MGST1: variants seen among roughly 807,000 people sequenced by gnomAD.
MGST1 encodes glutathione S-transferase 12.
A neutral mutation model predicts 8.9 loss-of-function variants in MGST1; 5 were observed. The observed-to-expected ratio is 0.56, with a 90% CI of 0.29 to 1.19. MGST1 has a LOEUF of 1.19. Among genes scored for constraint, MGST1 ranks in the 50% most tolerant of loss-of-function variants. MGST1 has a pLI of 0.08. For synonymous variants in MGST1, 54 were observed against 67.8 expected, an observed-to-expected ratio of 0.80 and a Z score of 1.00; for missense variants, 182 against 187.4, an observed-to-expected ratio of 0.97 and a Z score of 0.17.
chr12:16,409,270 A>ATGTGTGTGTTTG (rs1182467545), intron 1 of MGST1, among the ~76,000 whole-genome samples: 7 of 151,836 alleles, frequency 4.6e-5, no homozygotes, highest in Admixed American at 3.9e-4. Flanking sequence ...TAATGTGTGT[A>ATGTGTGTGTTTG]TGTGTGTGTT....
chr12:16,379,897 T>C (rs1406331542), downstream of MGST1, among the ~76,000 whole-genome samples: 3 of 152,342 alleles, frequency 2.0e-5, no homozygotes, highest in Non-Finnish European at 4.4e-5. Flanking sequence ...TGTCAAGGAA[T>C]TTATCCATTT....
intron 1 of MGST1, among the ~76,000 whole-genome samples, chr12:16,427,487 A>T (rs1940900499): frequency 6.6e-6 from 1 of 152,178 alleles, no homozygotes; most frequent in Admixed American, 6.5e-5. Flanking sequence ...GGTTTAAGCG[A>T]TTCACATGCC....
intron 4 of MGST1, among the ~76,000 whole-genome samples, chr12:16,539,646 C>T (rs1050342424): frequency 6.6e-6 from 1 of 152,180 alleles, no homozygotes; most frequent in African/African-American, 2.4e-5. Flanking sequence ...GACTCTACCC[C>T]TGCTTTCATA....
At chr12:16,550,105 G>A (rs1018836658) in intron 4 of MGST1, 3 of 151,888 alleles carry the variant, frequency 2.0e-5, no homozygotes, top group African/African-American at 7.3e-5. Flanking sequence ...AAGATTCTAT[G>A]AGCATTATGT....
At chr12:16,529,212 T>A (rs1394528986) in intron 4 of MGST1, among the ~76,000 whole-genome samples, 2 of 152,060 alleles carry the variant, frequency 1.3e-5, no homozygotes, top group African/African-American at 4.8e-5. Flanking sequence ...GGAAATGACT[T>A]TCTTCTTTCC....
chr12:16,351,788 C>T lies in MGST1; in HGVS notation c.-22-2443C>T, dbSNP rs552319533. Among the ~76,000 whole-genome samples, 267 of 151,964 alleles carry T rather than the reference C, an allele frequency of 1.8e-3. 2 individuals carry two copies. The highest frequency in any genetic ancestry group is 6.2e-3 in the African/African-American group (259 of 41,456). ...TTGCACCACTGCACTGCAGCCTGGG[C>T]GACAGAGTGAGACTCCATCTCAAAA... On this transcript the variant is annotated intron_variant, in intron 1 of 3. Coordinates refer to ENST00000396210, the MANE Select transcript of MGST1 (RefSeq NM_020300.5).
Position 16,401,651 on chromosome 12 carries a change from G to T in MGST1, n.778+18047G>T. The T allele has an allele frequency of 6.2e-7, 1 of 1,600,034 alleles. No homozygotes were observed. The highest frequency in any genetic ancestry group is 1.1e-5 in the South Asian group (1 of 90,774). ...TGTGATTCTTGTCACTCACCACACT[G>T]AACTTGAGATTATAGTTGCCACCAC... On this transcript the variant is annotated intron_variant and non_coding_transcript_variant, in intron 1 of 1. Coordinates refer to the MGST1 transcript ENST00000359720. This position sits in a 1 kb window ranked among gnomAD's most constrained non-coding sequence, Gnocchi z 4.3.
intron 4 of MGST1, among the ~76,000 whole-genome samples, chr12:16,562,205 A>T (rs1942431590): frequency 6.6e-6 from 1 of 152,162 alleles, no homozygotes; most frequent in South Asian, 2.1e-4. Flanking sequence ...GTTCATTCTA[A>T]CATTTCATAT....
chr12:16,357,416 C>T, intron 2 of MGST1, 189 bp from the exon 3 acceptor site: 1 of 524,712 alleles, frequency 1.9e-6, no homozygotes, highest in South Asian at 2.4e-5. Flanking sequence ...TGCATGTGGC[C>T]CACTACCATG....
At chr12:16,525,785 C>T (rs2137194874) in intron 4 of MGST1, among the ~76,000 whole-genome samples, 1 of 151,186 alleles carries the variant, frequency 6.6e-6, no homozygotes, top group South Asian at 2.1e-4. Flanking sequence ...TCCTATTTCT[C>T]CACATCCTCT....
At chr12:16,376,159 A>C (rs776669758) in exon 4 of MGST1, 2 of 1,236,866 alleles carry the variant, frequency 1.6e-6, no homozygotes, top group Admixed American at 4.3e-5. Flanking sequence ...TGCCTCTTCT[A>C]TATAAAGTTT....
intron 1 of MGST1, among the ~76,000 whole-genome samples, chr12:16,415,018 T>G (rs1940775627): frequency 6.6e-6 from 1 of 152,006 alleles, no homozygotes; most frequent in Admixed American, 6.5e-5. Flanking sequence ...GAGCAAAACT[T>G]CGCCTCAAAA....
intron 4 of MGST1, among the ~76,000 whole-genome samples, chr12:16,533,752 TACTC>T (rs1941737715): frequency 6.6e-6 from 1 of 151,784 alleles, no homozygotes; most frequent in African/African-American, 2.4e-5. Context: ...TGTGATCAAT[TACTC>T]ACAGTAACGT....
At chr12:16,488,510 T>G (rs1168338401) in intron 4 of MGST1, among the ~76,000 whole-genome samples, 1 of 152,194 alleles carries the variant, frequency 6.6e-6, no homozygotes, top group Non-Finnish European at 1.5e-5. Context: ...AAGGTAGTTT[T>G]CAAATGTCAG....
At chr12:16,387,745 C>T (rs1267540385) in intron 1 of MGST1, among the ~76,000 whole-genome samples, 2 of 152,094 alleles carry the variant, frequency 1.3e-5, no homozygotes, top group Non-Finnish European at 2.9e-5. Flanking sequence ...CCAGGATGGT[C>T]TCGATCTCCT....
intron 1 of MGST1, among the ~76,000 whole-genome samples, chr12:16,408,453 T>G (rs1940714725): frequency 2.0e-5 from 3 of 152,182 alleles, no homozygotes; most frequent in Admixed American, 6.5e-5. Context: ...GTGATAGTGG[T>G]TTTCTCTCAG....
At chr12:16,530,814 A>T (rs1317643463) in intron 4 of MGST1, among the ~76,000 whole-genome samples, 1 of 152,040 alleles carries the variant, frequency 6.6e-6, no homozygotes, top group Non-Finnish European at 1.5e-5. Context: ...TATTTGAATG[A>T]AGGAACTTTT....
At position 16,358,539 on chromosome 12, in the gene MGST1, T is replaced by C. The variant is rs187848188; in HGVS notation, c.221+840T>C. Among the ~76,000 whole-genome samples the C allele has an allele frequency of 1.5e-3, 224 of 151,828 alleles. 1 individual carries two copies. Among genetic ancestry groups the C allele is most frequent in the African/African-American group, 5.2e-3 (215 of 41,378 alleles). Reference sequence around the variant, plus strand: ...TGGAGTGCAATGGTGTGATCTCGGCTCACTGCAACCTTCTTCTCCTGGGTT... The same window carrying C: ...TGGAGTGCAATGGTGTGATCTCGGCCCACTGCAACCTTCTTCTCCTGGGTT... On this transcript the variant is annotated intron_variant, in intron 3 of 3. Transcript: ENST00000396210.
At chr12:16,485,111 C>G (rs370806549) in intron 4 of MGST1, among the ~76,000 whole-genome samples, 1 of 152,340 alleles carries the variant, frequency 6.6e-6, no homozygotes, top group East Asian at 1.9e-4. Context: ...ACTCTGTTGA[C>G]CACCTTCCCC....
Sources: allele counts gnomAD v4.1 joint callset (sites outside exome capture counted in the v4.1 genomes callset), GRCh38; gene constraint gnomAD v4.1.1; non-coding constraint Gnocchi (gnomAD v3.1); transcripts MANE v1.5; gene names NCBI Gene and HGNC (gene_info 2026-07-23, HGNC 2026-07-21).